The following KCNIP4 variants were observed in gnomAD, a reference collection of about 807,000 sequenced individuals.
KCNIP4 encodes Kv channel-interacting protein 4.
A neutral mutation model predicts 34.0 loss-of-function variants in KCNIP4; 12 were observed. The ratio of observed to expected loss-of-function variants is 0.35; its 90% confidence interval spans 0.23 to 0.57. The LOEUF (loss-of-function observed/expected upper bound fraction) is 0.57. Ranked by LOEUF, KCNIP4 falls within the 20% of genes least tolerant of loss-of-function variation. KCNIP4 has a pLI of 0.83. For missense variants in KCNIP4, 238 were observed against 311.7 expected (o/e 0.76, Z 1.78); for synonymous variants, 124 against 102.2 (o/e 1.21, Z -1.29).
chr4:21,159,030 A>G (rs1577807283), intron 1 of KCNIP4, among the ~76,000 whole-genome samples: 1 of 152,246 alleles, frequency 6.6e-6, no homozygotes, highest in African/African-American at 2.4e-5. Flanking sequence ...ATTTTCCCCA[A>G]ATTGATTTAC....
At chr4:21,118,150 C>T (rs913273616) in intron 1 of KCNIP4, among the ~76,000 whole-genome samples, 7 of 152,056 alleles carry the variant, frequency 4.6e-5, no homozygotes, top group African/African-American at 1.4e-4. Flanking sequence ...GAACCACCAC[C>T]TTATCAACTA....
chr4:20,855,615 G>A (rs764365182), intron 2 of KCNIP4, among the ~76,000 whole-genome samples: 1 of 152,046 alleles, frequency 6.6e-6, no homozygotes, highest in Non-Finnish European at 1.5e-5. Flanking sequence ...AAGAGAAGGT[G>A]AGTGGCACCC....
chr4:21,855,207 A>G (rs1422593103), intron 1 of KCNIP4, among the ~76,000 whole-genome samples: 1 of 152,198 alleles, frequency 6.6e-6, no homozygotes, highest in African/African-American at 2.4e-5. Context: ...TCACCCCTGT[A>G]TCTCCGCTTT....
At position 20,882,849 on chromosome 4, in the gene KCNIP4, C is replaced by A. The variant is rs1393869714; in HGVS notation, c.62-140G>T. 4 of 485,540 alleles carry A rather than the reference C, an allele frequency of 8.2e-6. No homozygotes were observed. The Admixed American group carries it at 1.6e-4, about 20-fold the overall frequency. The allele number at this position is 485,540 out of a possible 1,614,324, so 30.1% of individuals were successfully genotyped here. A position where few individuals can be genotyped will look rare whatever the true frequency, so the allele number is the denominator to read the frequency against. On this transcript the variant is annotated intron_variant, in intron 1 of 8. Transcript: ENST00000382152. ...GGCAATCACAGGCAGTGGGTTGGGA[C>A]CCCCGAAAGGAAAAAAAAAGTTTGT... is the stretch of plus-strand genomic sequence containing the variant.
At chr4:20,905,509 C>CTTTCTTTT (rs71655610) in intron 1 of KCNIP4, among the ~76,000 whole-genome samples, 2 of 72,800 alleles carry the variant, frequency 2.7e-5, no homozygotes, top group African/African-American at 4.6e-5. Flanking sequence ...CGTTTTCTTT[C>CTTTCTTTT]TTTTTTTTTT....
chr4:20,781,770 T>A (rs762106480), intron 3 of KCNIP4, among the ~76,000 whole-genome samples: 1 of 152,102 alleles, frequency 6.6e-6, no homozygotes, highest in Non-Finnish European at 1.5e-5. Flanking sequence ...TATCATTCAA[T>A]CCCTGGCCCC....
chr4:20,917,171 G>A (rs1410212922), intron 1 of KCNIP4, among the ~76,000 whole-genome samples: 2 of 150,650 alleles, frequency 1.3e-5, no homozygotes, highest in African/African-American at 4.9e-5. Flanking sequence ...CCAAGTAGCT[G>A]GGATTACAGG....
intron 1 of KCNIP4, among the ~76,000 whole-genome samples, chr4:21,812,395 G>A (rs1336153598): frequency 1.3e-5 from 2 of 152,176 alleles, no homozygotes; most frequent in Non-Finnish European, 2.9e-5. Context: ...TATAGGGAAT[G>A]CCAGCAAATA....
chr4:20,832,272 A>G (rs1718520053), intron 3 of KCNIP4, among the ~76,000 whole-genome samples: 1 of 152,230 alleles, frequency 6.6e-6, no homozygotes, highest in African/African-American at 2.4e-5. Flanking sequence ...TTCGAAAAGT[A>G]TAAAGACTAA....
intron 3 of KCNIP4, among the ~76,000 whole-genome samples, chr4:20,849,750 T>C (rs1256824031): frequency 6.6e-6 from 1 of 152,224 alleles, no homozygotes; most frequent in East Asian, 1.9e-4. Context: ...ATTTGATACA[T>C]AAACATTTGA....
At chr4:20,778,661 T>G (rs1482089640) in intron 3 of KCNIP4, among the ~76,000 whole-genome samples, 1 of 152,214 alleles carries the variant, frequency 6.6e-6, no homozygotes, top group Non-Finnish European at 1.5e-5. Context: ...ATAACAAGTT[T>G]AATTTAAAAA....
intron 1 of KCNIP4, among the ~76,000 whole-genome samples, chr4:21,853,577 C>A (rs1270988937): frequency 6.6e-6 from 1 of 152,102 alleles, no homozygotes; most frequent in Admixed American, 6.5e-5. Context: ...TTCCTAAAAC[C>A]TCACTTCCTA....
chr4:21,302,123 G>C (rs963239041), intron 1 of KCNIP4, among the ~76,000 whole-genome samples: 2 of 152,152 alleles, frequency 1.3e-5, no homozygotes, highest in Non-Finnish European at 2.9e-5. Flanking sequence ...AAGTACAAGA[G>C]AGAAATTGTT....
intron 1 of KCNIP4, among the ~76,000 whole-genome samples, chr4:21,528,126 G>T (rs1186073727): frequency 6.6e-6 from 1 of 152,132 alleles, no homozygotes; most frequent in Non-Finnish European, 1.5e-5. Flanking sequence ...ACTCTCTGCT[G>T]CCTTCAGCTA....
rs142035649 is a variant in KCNIP4 at position 20,992,392 on chromosome 4, T to C, written c.62-109683A>G. Reference sequence around the variant, plus strand: ...GGGGGAAACCACTTCTATGATCCAATTACCTCCACCTGGTCCCGCCCTTGA... The same window carrying C: ...GGGGGAAACCACTTCTATGATCCAACTACCTCCACCTGGTCCCGCCCTTGA... On this transcript the variant is annotated intron_variant, in intron 1 of 8. Transcript: ENST00000382152. Among the ~76,000 whole-genome samples, 500 of 152,236 alleles carry C rather than the reference T, an allele frequency of 3.3e-3. 3 individuals carry two copies. The highest frequency in any genetic ancestry group is 0.011 in the African/African-American group (476 of 41,548).
intron 1 of KCNIP4, among the ~76,000 whole-genome samples, chr4:21,552,610 T>G (rs1738670895): frequency 6.6e-6 from 1 of 152,278 alleles, no homozygotes; most frequent in South Asian, 2.1e-4. Flanking sequence ...TTTGAAAATG[T>G]CTGCAACTGA....
Position 21,288,590 on chromosome 4 carries a change from T to C in KCNIP4, c.62-405881A>G, listed in dbSNP as rs114544025. Among the ~76,000 whole-genome samples, 954 of 152,308 alleles carry C rather than the reference T, an allele frequency of 6.3e-3. 13 individuals carry two copies. The highest frequency in any genetic ancestry group is 0.022 in the African/African-American group (894 of 41,556). ...AACTCTATAAGATAAATACTATTAT[T>C]ATCTTCTTTTTACTGATGAAGAAAC... is the stretch of plus-strand genomic sequence containing the variant. On this transcript the variant is annotated intron_variant, in intron 1 of 8. Transcript: ENST00000382152.
chr4:21,277,042 C>T (rs6829880), intron 1 of KCNIP4, among the ~76,000 whole-genome samples: 1 of 152,002 alleles, frequency 6.6e-6, no homozygotes, highest in East Asian at 1.9e-4. Flanking sequence ...AGGACTTCAG[C>T]CTTTTTATTG....
At chr4:21,111,008 TTCTC>T (rs1749116973) in intron 1 of KCNIP4, among the ~76,000 whole-genome samples, 1 of 152,252 alleles carries the variant, frequency 6.6e-6, no homozygotes, top group East Asian at 1.9e-4. Context: ...GTTTTATGTT[TTCTC>T]TCTATACAAA....
Sources: allele counts gnomAD v4.1 joint callset (sites outside exome capture counted in the v4.1 genomes callset), GRCh38; gene constraint gnomAD v4.1.1; transcripts MANE v1.5; gene names NCBI Gene and HGNC (gene_info 2026-07-23, HGNC 2026-07-21).